Variants in TMEM178B observed in about 807,000 individuals in gnomAD.
The protein encoded by TMEM178B is transmembrane protein 178B.
A neutral mutation model predicts 31.0 loss-of-function variants in TMEM178B; 5 were observed. The ratio of observed to expected loss-of-function variants is 0.16; its 90% confidence interval spans 0.08 to 0.34. TMEM178B has a LOEUF of 0.34. Among genes scored for constraint, TMEM178B ranks in the 10% least tolerant of loss-of-function variants. The pLI is 1.00. For missense variants in TMEM178B, 275 were observed against 400.3 expected (o/e 0.69, Z 2.67); for synonymous variants, 164 against 164.0 (o/e 1.00, Z 0.00).
intron 2 of TMEM178B, among the ~76,000 whole-genome samples, chr7:141,348,070 A>G (rs915496444): frequency 2.0e-5 from 3 of 152,224 alleles, no homozygotes; most frequent in Non-Finnish European, 4.4e-5. Context: ...ATGCTTACAT[A>G]TGCTTTTGTG....
intron 2 of TMEM178B, among the ~76,000 whole-genome samples, chr7:141,241,590 C>CAAAAAAA (rs766018973): frequency 1.3e-5 from 1 of 75,970 alleles, no homozygotes; most frequent in Non-Finnish European, 2.4e-5. Context: ...GACTTCGTCT[C>CAAAAAAA]AAAAAAAAAA....
the TMEM178B span, among the ~76,000 whole-genome samples, chr7:141,505,281 G>A: frequency 4.6e-5 from 7 of 152,174 alleles, no homozygotes; most frequent in South Asian, 2.1e-4. Flanking sequence ...CACCACTGTC[G>A]GGCTGTAAGC....
intron 3 of TMEM178B, among the ~76,000 whole-genome samples, chr7:141,446,500 A>G (rs929642495): frequency 6.6e-6 from 1 of 152,224 alleles, no homozygotes; most frequent in Admixed American, 6.5e-5. Flanking sequence ...AAGGCATCTC[A>G]GAGAGTTTCT....
chr7:141,280,398 G>C (rs1798336735), intron 2 of TMEM178B, among the ~76,000 whole-genome samples: 1 of 152,050 alleles, frequency 6.6e-6, no homozygotes, highest in South Asian at 2.1e-4. Flanking sequence ...GAATCATGGG[G>C]GTGGTTTCCC....
chr7:141,294,287 C>T lies in TMEM178B; in HGVS notation c.496+81583C>T, dbSNP rs114409220. ...GTTTCAGGGCCCCTTAGTTCCTCTC[C>T]ACCCCTGCTGATCTCAGCTATTTGA... On this transcript the variant is annotated intron_variant, in intron 2 of 3. Coordinates refer to ENST00000565468, the MANE Select transcript of TMEM178B (RefSeq NM_001195278.2). Among the ~76,000 whole-genome samples, 370 of 152,288 alleles carry T rather than the reference C, an allele frequency of 2.4e-3. 1 individual carries two copies. Among genetic ancestry groups the T allele is most frequent in the African/African-American group, 8.5e-3 (352 of 41,556 alleles).
chr7:141,074,582 T>C lies in TMEM178B; in HGVS notation c.272T>C (p.Met91Thr). ...CGGAATCGCCGGCAGCTGTTCGCCA[T>C]GAGCCCCGCGGACGAGTGCAGCCGG... ...RARNRRQLFAMSPADECSRQY... is the reference protein window; with the variant it reads ...RARNRRQLFATSPADECSRQY... Residue 91 changes from methionine (M) to threonine (T), a missense_variant, in exon 1 of 4, where the codon ATG (methionine) becomes ACG (threonine). Physicochemically the swap from Met to Thr is moderately conservative, Grantham distance 81. Coordinates refer to ENST00000565468, the MANE Select transcript of TMEM178B (RefSeq NM_001195278.2). The surrounding 1 kb of genome is among the most constrained non-coding windows in gnomAD (Gnocchi z 5.1). 1 of 1,535,898 alleles carries C rather than the reference T, an allele frequency of 6.5e-7. No homozygotes were observed. The highest frequency in any genetic ancestry group is 1.2e-5 in the South Asian group (1 of 84,038).
At chr7:141,450,426 G>C (rs1348776688) in intron 3 of TMEM178B, among the ~76,000 whole-genome samples, 1 of 152,238 alleles carries the variant, frequency 6.6e-6, no homozygotes, top group African/African-American at 2.4e-5. Flanking sequence ...CAGATACCTG[G>C]ATCAATAAGA....
chr7:141,384,573 A>G (rs891783206), intron 2 of TMEM178B, among the ~76,000 whole-genome samples: 45 of 152,278 alleles, frequency 3.0e-4, no homozygotes, highest in South Asian at 2.7e-3. Flanking sequence ...CCATTGGTCT[A>G]TATCTCTGTT....
chr7:141,294,167 T>TCCCA (rs2116427610), intron 2 of TMEM178B, among the ~76,000 whole-genome samples: 1 of 152,254 alleles, frequency 6.6e-6, no homozygotes, highest in Non-Finnish European at 1.5e-5. Flanking sequence ...CAAAGTGCTG[T>TCCCA]AAGATAAAAT....
intron 2 of TMEM178B, among the ~76,000 whole-genome samples, chr7:141,402,215 C>A (rs1381807580): frequency 6.6e-6 from 1 of 152,190 alleles, no homozygotes; most frequent in Non-Finnish European, 1.5e-5. Context: ...TATTCTAGTT[C>A]TGGAGAGAGA....
chr7:141,344,623 CCTT>C lies in TMEM178B; in HGVS notation c.497-92983_497-92981del, dbSNP rs1198818824. On this transcript the variant is annotated intron_variant, in intron 2 of 3. Coordinates refer to ENST00000565468, the MANE Select transcript of TMEM178B (RefSeq NM_001195278.2). This position sits in a 1 kb window ranked among gnomAD's most constrained non-coding sequence, Gnocchi z 4.1. ...TCCTTCCTTCCTTCCTTCCTTCCTT[CCTT>C]CCTCCCTTCCTTCTTCCCTTCATCA... Among the ~76,000 whole-genome samples the C allele has an allele frequency of 1.5e-4, 22 of 149,106 alleles. No homozygotes were observed. Among genetic ancestry groups the C allele is most frequent in the African/African-American group, 3.8e-4 (15 of 39,678 alleles).
intron 1 of TMEM178B, among the ~76,000 whole-genome samples, chr7:141,119,811 A>G (rs552943289): frequency 6.6e-6 from 1 of 152,314 alleles, no homozygotes; most frequent in East Asian, 1.9e-4. Context: ...TGCAGCTCTC[A>G]GTGAGGCAGA....
intron 3 of TMEM178B, among the ~76,000 whole-genome samples, chr7:141,448,824 A>G (rs1586967645): frequency 6.6e-6 from 1 of 152,174 alleles, no homozygotes; most frequent in African/African-American, 2.4e-5. Context: ...GTCAGCATTA[A>G]CAAGACCCTG....
At chr7:141,383,340 G>T (rs1416345626) in intron 2 of TMEM178B, among the ~76,000 whole-genome samples, 1 of 151,468 alleles carries the variant, frequency 6.6e-6, no homozygotes, top group Admixed American at 6.6e-5. Flanking sequence ...TTTACATTAG[G>T]TGTGTCTCCT....
At chr7:141,410,505 CTCCTTCCT>C (rs1322991232) in intron 2 of TMEM178B, among the ~76,000 whole-genome samples, 2 of 146,402 alleles carry the variant, frequency 1.4e-5, no homozygotes, top group African/African-American at 2.5e-5. Flanking sequence ...CCTTCCTTCC[CTCCTTCCT>C]TCCTTCCTTC....
rs370599855 is a variant in TMEM178B, at chr7:141,365,431, C to T, written c.497-72177C>T. ...ATTGAGCCTGTTTTAATTCATATGC[C>T]GGGTGCTTAGGACCTGTATGAATTG... On this transcript the variant is annotated intron_variant, in intron 2 of 3. Transcript: ENST00000565468. 3.3e-5 allele frequency among the ~76,000 whole-genome samples: 5 copies of T among 152,218 alleles called. No homozygotes were observed. In the East Asian group the frequency reaches 9.7e-4, roughly 29 times the overall value.
chr7:141,466,645 G>T (rs924605176), intron 3 of TMEM178B, among the ~76,000 whole-genome samples: 1 of 152,100 alleles, frequency 6.6e-6, no homozygotes, highest in Admixed American at 6.6e-5. Context: ...GTCCTTGGGT[G>T]ACCTCAATCC....
At chr7:141,097,988 C>T (rs1023163089) in intron 1 of TMEM178B, among the ~76,000 whole-genome samples, 8 of 151,872 alleles carry the variant, frequency 5.3e-5, no homozygotes, top group South Asian at 4.2e-4. Context: ...GATGGGGTTT[C>T]GCCATGTTGC....
intron 2 of TMEM178B, among the ~76,000 whole-genome samples, chr7:141,226,698 A>G (rs1236807911): frequency 1.3e-5 from 2 of 151,964 alleles, no homozygotes; most frequent in Non-Finnish European, 2.9e-5. Flanking sequence ...CTAAAACAAA[A>G]CAAAACAAAA....
Sources: gnomAD v4.1 joint callset for allele counts (sites outside exome capture counted in the v4.1 genomes callset) on GRCh38, gnomAD v4.1.1 for gene constraint, Gnocchi (gnomAD v3.1) non-coding constraint, MANE v1.5 for transcripts, NCBI Gene and HGNC (gene_info 2026-07-23, HGNC 2026-07-21) for gene names.